HMCN1: variants seen among roughly 807,000 people sequenced by gnomAD.
The protein encoded by HMCN1 is hemicentin-1.
Under a neutral mutation model 625.9 loss-of-function variants are expected in HMCN1, and 321 were observed. The ratio of observed to expected loss-of-function variants is 0.51; its 90% CI spans 0.47 to 0.56. HMCN1 has a LOEUF of 0.56. Ranked by LOEUF, HMCN1 falls within the 20% of genes least tolerant of loss-of-function variation. The pLI, the probability that HMCN1 is intolerant of heterozygous loss-of-function variation, is 0.00. For synonymous variants in HMCN1, 2,425 were observed against 2,417.6 expected (o/e 1.00, Z -0.09); for missense variants, 6,588 against 6,887.3 (o/e 0.96, Z 1.54).
chr1:185,899,310 AT>A (rs1352435756), intron 4 of HMCN1, among the ~76,000 whole-genome samples: 1 of 152,116 alleles, frequency 6.6e-6, no homozygotes, highest in Non-Finnish European at 1.5e-5. Context: ...TCTTTCTGTT[AT>A]TTCTGTAGAG....
chr1:186,015,492 G>A (rs750352702), intron 31 of HMCN1, 55 bp downstream of exon 31: 9 of 1,524,582 alleles, frequency 5.9e-6, no homozygotes, highest in Non-Finnish European at 8.2e-6. Context: ...CTTTCTAATA[G>A]GCAAATATCG....
chr1:185,873,407 C>G (rs1275101203), intron 4 of HMCN1, among the ~76,000 whole-genome samples: 1 of 152,028 alleles, frequency 6.6e-6, no homozygotes, highest in Non-Finnish European at 1.5e-5. Context: ...GAAAAATTGT[C>G]CCAGATGCTT....
intron 89 of HMCN1, among the ~76,000 whole-genome samples, chr1:186,142,727 T>A (rs973178020): frequency 2.0e-5 from 3 of 152,216 alleles, no homozygotes; most frequent in Non-Finnish European, 4.4e-5. Context: ...GGATTTTCCA[T>A]ATTGATTAAA....
At position 185,924,511 on chromosome 1, in the gene HMCN1, G is replaced by C. The variant is rs143407294; in HGVS notation, c.1286-536G>C. ...ATAAGATAGTGATTTGGGAAATTCA[G>C]GAACAATTCTATAGCTATTGTTGAA... On this transcript the variant is annotated intron_variant, in intron 8 of 106. Transcript: ENST00000271588. Among the ~76,000 whole-genome samples, 147 of 152,100 alleles carry C rather than the reference G, an allele frequency of 9.7e-4. 4 individuals carry two copies. In the East Asian group the frequency reaches 0.025, roughly 26 times the overall value.
intron 15 of HMCN1, among the ~76,000 whole-genome samples, chr1:185,970,703 GGCT>G (rs1650752059): frequency 6.6e-6 from 1 of 151,682 alleles, no homozygotes; most frequent in Non-Finnish European, 1.5e-5. Flanking sequence ...CTGTCACCCA[GGCT>G]GGAGTGCAGT....
chr1:186,178,670 G>C lies in HMCN1; in HGVS notation c.16198G>C (p.Glu5400Gln). Residue 5400 changes from glutamate to glutamine, a missense_variant, in exon 104 of 107, where the codon GAG becomes CAG. Coordinates refer to ENST00000271588, the MANE Select transcript of HMCN1 (RefSeq NM_031935.3). ...QYSHLYSSYS[E>Q]YRNSRTSLSR... Reference sequence around the variant, plus strand: ...CTCACATCTCTACAGCTCCTACTCAGAGTATAGAAACAGCAGAACATCTCT... The same window carrying C: ...CTCACATCTCTACAGCTCCTACTCACAGTATAGAAACAGCAGAACATCTCT... 6.2e-7 allele frequency: 1 copy of C among 1,614,040 alleles called. No individual in the cohort carries two copies.
At chr1:185,951,662 C>T (rs1324917542) in intron 11 of HMCN1, among the ~76,000 whole-genome samples, 2 of 151,658 alleles carry the variant, frequency 1.3e-5, no homozygotes, top group African/African-American at 2.4e-5. Flanking sequence ...TTGAACAGTC[C>T]GATTTTCAGT....
At chr1:186,057,795 A>G (rs1276718343) in intron 46 of HMCN1, among the ~76,000 whole-genome samples, 2 of 152,044 alleles carry the variant, frequency 1.3e-5, no homozygotes, top group Non-Finnish European at 2.9e-5. Flanking sequence ...CAATGTATTC[A>G]TGACTAATCT....
intron 1 of HMCN1, among the ~76,000 whole-genome samples, chr1:185,785,320 G>C (rs1004568855): frequency 1.3e-5 from 2 of 152,204 alleles, no homozygotes; most frequent in Non-Finnish European, 2.9e-5. Context: ...GGAGTAGGAT[G>C]TGTTTGAGAT....
At position 185,923,558 on chromosome 1, in the gene HMCN1, C is replaced by T; in HGVS notation, c.1190C>T (p.Pro397Leu). ...GIWNISDFVPPNEAFFLKVTG... is the reference protein window; with the variant it reads ...GIWNISDFVPLNEAFFLKVTG... Reference sequence around the variant, plus strand: ...TGGAATATTTCTGACTTTGTACCACCAAATGAAGCTTTCTTTCTCAAAGTA... The same window carrying T: ...TGGAATATTTCTGACTTTGTACCACTAAATGAAGCTTTCTTTCTCAAAGTA... Residue 397 changes from proline to leucine, a missense_variant, in exon 8 of 107, where the codon CCA becomes CTA. Around this residue, in one of 3 missense-constraint regions of HMCN1, gnomAD observed 4,628 missense variants for 4,853.1 expected, o/e 0.95. Transcript: ENST00000271588. The T allele has an allele frequency of 1.2e-6, 2 of 1,610,392 alleles. No homozygotes were observed. Among genetic ancestry groups the T allele is most frequent in the Non-Finnish European group, 1.7e-6 (2 of 1,177,478 alleles).
chr1:186,106,801 T>A, intron 69 of HMCN1, 83 bp from the exon 70 acceptor site: 1 of 994,896 alleles, frequency 1.0e-6, no homozygotes, highest in Non-Finnish European at 1.6e-6. Flanking sequence ...GTGGGGTTAT[T>A]TACATTCATT....
chr1:185,999,597 A>G (rs1193735598), intron 25 of HMCN1, among the ~76,000 whole-genome samples: 4 of 152,102 alleles, frequency 2.6e-5, no homozygotes, highest in Non-Finnish European at 2.9e-5. Flanking sequence ...ATTATAAAAC[A>G]TCGTGTCTCC....
intron 49 of HMCN1, among the ~76,000 whole-genome samples, chr1:186,066,669 T>G (rs1031482254): frequency 1.3e-5 from 2 of 152,172 alleles, no homozygotes; most frequent in East Asian, 1.9e-4. Flanking sequence ...AGCAAATATC[T>G]TGCAGTCCCA....
chr1:185,926,786 A>G (rs924468892), intron 9 of HMCN1, among the ~76,000 whole-genome samples: 3 of 152,174 alleles, frequency 2.0e-5, no homozygotes, highest in Non-Finnish European at 4.4e-5. Context: ...ATGTTTGTTT[A>G]TGTCAGTCAC....
intron 17 of HMCN1, among the ~76,000 whole-genome samples, chr1:185,981,656 T>C (rs1222277694): frequency 6.6e-6 from 1 of 152,128 alleles, no homozygotes; most frequent in South Asian, 2.1e-4. Flanking sequence ...TTAATACCCT[T>C]TTACACAGTT....
In HMCN1 at chr1:186,088,704, G is replaced by A; in HGVS notation, c.9676G>A (p.Ala3226Thr). 1 of 1,611,266 alleles carries A rather than the reference G, an allele frequency of 6.2e-7. No homozygotes were observed. The highest frequency in any genetic ancestry group is 1.7e-5 in the Admixed American group (1 of 59,738). The change falls in exon 63 of 107, where the codon GCT (alanine) becomes ACT (threonine). Residue 3226 changes from alanine (A) to threonine (T), a missense_variant. This residue lies in a region of HMCN1 where 4,628 missense variants were observed against 4,853.1 expected (regional missense o/e 0.95). Coordinates refer to ENST00000271588, the MANE Select transcript of HMCN1 (RefSeq NM_031935.3). ...AGATAGTGGAAACTATACATGTATT[G>A]CTTCAAATATGGAGGGAAAAGCCCA... ...HSDSGNYTCI[A>T]SNMEGKAQKY...
At chr1:185,995,119 T>C in intron 24 of HMCN1, 32 bp downstream of exon 24, 1 of 1,604,012 alleles carries the variant, frequency 6.2e-7, no homozygotes, top group African/African-American at 1.3e-5. Flanking sequence ...TATATGTATG[T>C]AGGGTGGGGA....
At chr1:185,858,335 A>T (rs1306722092) in intron 2 of HMCN1, among the ~76,000 whole-genome samples, 2 of 152,154 alleles carry the variant, frequency 1.3e-5, no homozygotes, top group African/African-American at 2.4e-5. Flanking sequence ...CTTCCATCAT[A>T]AATGTTTATG....
intron 89 of HMCN1, among the ~76,000 whole-genome samples, chr1:186,141,628 T>A (rs1328041226): frequency 2.0e-5 from 3 of 152,184 alleles, no homozygotes; most frequent in African/African-American, 7.2e-5. Context: ...CTGAAAACTG[T>A]TGAGAACTTT....
Sources: gnomAD v4.1 joint callset for allele counts (sites outside exome capture counted in the v4.1 genomes callset) on GRCh38, gnomAD v4.1.1 for gene constraint, gnomAD v4.1.1 regional missense constraint, MANE v1.5 for transcripts, NCBI Gene and HGNC (gene_info 2026-07-23, HGNC 2026-07-21) for gene names.